The following AP3D1 variants were observed in gnomAD, a reference collection of about 807,000 sequenced individuals.
The protein encoded by AP3D1 is AP-3 complex subunit delta-1.
Under a neutral mutation model 147.6 loss-of-function variants are expected in AP3D1, and 51 were observed. That is an observed-to-expected ratio of 0.35 (90% CI 0.28 to 0.44). The LOEUF is 0.44. Ranked by LOEUF, AP3D1 falls within the 20% of genes least tolerant of loss-of-function variation. The pLI, the probability that AP3D1 is intolerant of heterozygous loss-of-function variation, is 1.00. For missense variants in AP3D1, 1,421 were observed against 1,624.2 expected (o/e 0.87, Z 2.15); for synonymous variants, 760 against 663.0 (o/e 1.15, Z -2.25).
intron 16 of AP3D1, 147 bp from the exon 17 acceptor site, chr19:2,116,893 T>G: frequency 1.8e-6 from 2 of 1,125,308 alleles, no homozygotes; most frequent in Non-Finnish European, 1.2e-6. Context: ...GCGAGGCAGG[T>G]GTCACTGCCC....
rs750640235 is a variant in AP3D1 at position 2,110,206 on chromosome 19, T to C, written c.3194A>G (p.Gln1065Arg). Reference sequence around the variant, plus strand: ...GATGCTCTGGATGGTGAACACATACTGGGCTTCGTTGGAGACGCCTGGCGG... The same window carrying C: ...GATGCTCTGGATGGTGAACACATACCGGGCTTCGTTGGAGACGCCTGGCGG... ...QLPPGVSNEA[Q>R]YVFTIQSIVM... Residue 1065 changes from glutamine to arginine, a missense_variant, in exon 28 of 32, where the codon CAG becomes CGG. Transcript: ENST00000643116. 2.4e-5 allele frequency: 39 copies of C among 1,612,124 alleles called. No individual in the cohort carries two copies. The highest frequency in any genetic ancestry group is 3.3e-5 in the Non-Finnish European group (39 of 1,179,946).
chr19:2,103,330 TGAGGCAGCCA>T (rs1351690758), intron 31 of AP3D1, among the ~76,000 whole-genome samples: 3 of 152,086 alleles, frequency 2.0e-5, no homozygotes, highest in African/African-American at 4.8e-5. Context: ...CTGAGGGCCC[TGAGGCAGCCA>T]GAGGCAGCCG....
chr19:2,148,046 C>CT (rs2019406860), intron 1 of AP3D1, among the ~76,000 whole-genome samples: 2 of 150,332 alleles, frequency 1.3e-5, no homozygotes, highest in Admixed American at 6.7e-5. Context: ...TGGCGGGAGG[C>CT]TGAGGCAGGA....
intron 21 of AP3D1, 78 bp from the exon 22 acceptor site, chr19:2,114,380 G>A: frequency 4.0e-6 from 5 of 1,265,534 alleles, no homozygotes; most frequent in Non-Finnish European, 5.6e-6. Context: ...CCGTGTCCAA[G>A]CATGTGGCAG....
In AP3D1 at chr19:2,101,139, G is replaced by A. The variant is rs1009357302; in HGVS notation, c.*1034C>T. The A allele has an allele frequency of 2.6e-5, 4 of 152,624 alleles. No individual in the cohort carries two copies. The highest frequency in any genetic ancestry group is 4.8e-5 in the African/African-American group (2 of 41,448). 9.5% of individuals were successfully genotyped at this position (152,624 alleles called of 1,614,324 possible). ...ATTTCAAATCCTGGAATCACTGCATGGGATTCTGTAATGGATTACATGCTA... is the reference window on the plus strand; with the variant it reads ...ATTTCAAATCCTGGAATCACTGCATAGGATTCTGTAATGGATTACATGCTA... On this transcript the variant is annotated 3_prime_UTR_variant, in exon 32 of 32. Transcript: ENST00000643116.
chr19:2,114,827 A>G lies in AP3D1; in HGVS notation c.2350-6T>C. 6.2e-7 allele frequency: 1 copy of G among 1,613,862 alleles called. No homozygotes were observed. ...TCGTCGCTGGGCAGAGCATTCTGACAGGAAGAGAGGAACCCCATCACTGGA... is the reference window on the plus strand; with the variant it reads ...TCGTCGCTGGGCAGAGCATTCTGACGGGAAGAGAGGAACCCCATCACTGGA... On this transcript the variant is annotated splice_region_variant and splice_polypyrimidine_tract_variant and intron_variant, in intron 20 of 31. Coordinates refer to ENST00000643116, the MANE Select transcript of AP3D1 (RefSeq NM_001261826.3).
Position 2,116,717 on chromosome 19 carries a change from G to A in AP3D1, c.1889C>T (p.Pro630Leu), listed in dbSNP as rs764011054. The A allele has an allele frequency of 6.2e-7, 1 of 1,612,022 alleles. No individual in the cohort carries two copies. The highest frequency in any genetic ancestry group is 8.5e-7 in the Non-Finnish European group (1 of 1,179,352). ...GTCCTCTGACTCGCTGTCCGAGAGT[G>A]GCTCATTGATCCAGGCGTCCAGGTC... ...GLDLDAWINE[P>L]LSDSESEDER... Residue 630 changes from proline to leucine, a missense_variant, in exon 17 of 32, where the codon CCA becomes CTA. This residue lies in a region of AP3D1 where 791 missense variants were observed against 761.4 expected (regional missense o/e 1.04). Transcript: ENST00000643116.
chr19:2,121,831 G>C lies in AP3D1; in HGVS notation c.1004C>G (p.Pro335Arg). The C allele has an allele frequency of 6.2e-7, 1 of 1,612,404 alleles. No individual in the cohort carries two copies. Among genetic ancestry groups the C allele is most frequent in the Non-Finnish European group, 8.5e-7 (1 of 1,179,414 alleles). ...LAMSKILKTH[P>R]KSVQSHKDLI... The stretch of plus-strand genomic sequence containing the variant: ...GTCCTTGTGGGACTGCACGGACTTG[G>C]GGTGGGTCTTCAGGATCTTGGACAT... Residue 335 changes from proline to arginine, a missense_variant, in exon 12 of 32, where the codon CCC becomes CGC. Pro to Arg is a moderately radical substitution (Grantham distance 103). Around this residue, in one of 6 missense-constraint regions of AP3D1, gnomAD observed 310 missense variants for 388.1 expected, o/e 0.80. Transcript: ENST00000643116.
chr19:2,127,239 G>A, intron 8 of AP3D1, 38 bp from the exon 9 acceptor site: 1 of 1,607,946 alleles, frequency 6.2e-7, no homozygotes. Flanking sequence ...ATGAGGACTG[G>A]GGGCCTCGTC....
chr19:2,153,132 G>A (rs1474019556), upstream of AP3D1, among the ~76,000 whole-genome samples: 1 of 151,266 alleles, frequency 6.6e-6, no homozygotes, highest in East Asian at 2.0e-4. Context: ...CCAGCACTTC[G>A]GGAGGCCTAA....
chr19:2,118,611 A>C lies in AP3D1; in HGVS notation c.1703T>G (p.Val568Gly). The C allele has an allele frequency of 2.5e-6, 4 of 1,609,186 alleles. No homozygotes were observed. The highest frequency in any genetic ancestry group is 3.4e-6 in the Non-Finnish European group (4 of 1,179,444). Residue 568 changes from valine (V) to glycine (G), a missense_variant, in exon 15 of 32, where the codon GTG (valine) becomes GGG (glycine). Around this residue, in one of 6 missense-constraint regions of AP3D1, gnomAD observed 310 missense variants for 388.1 expected, o/e 0.80. Coordinates refer to ENST00000643116, the MANE Select transcript of AP3D1 (RefSeq NM_001261826.3). ...PQFVQSADLE[V>G]QERASCILQL... is the part of the protein sequence containing the mutation. ...AGTGTTGGATCTTACCCGCTCCTGC[A>C]CCTCCAGGTCTGCGCTCTGCACAAA...
chr19:2,136,004 C>G (rs899467321), intron 4 of AP3D1, among the ~76,000 whole-genome samples: 5 of 151,662 alleles, frequency 3.3e-5, no homozygotes, highest in African/African-American at 1.2e-4. Context: ...CCAGGCCCCT[C>G]CCGCTACACG....
chr19:2,102,070 A>G lies in AP3D1; in HGVS notation c.*103T>C. The G allele has an allele frequency of 4.8e-6, 4 of 831,120 alleles. No homozygotes were observed. The highest frequency in any genetic ancestry group is 1.7e-5 in the African/African-American group (1 of 57,854). 51.5% of individuals were successfully genotyped at this position (831,120 alleles called of 1,614,324 possible). A position where few individuals can be genotyped will look rare whatever the true frequency, so the allele number is the denominator to read the frequency against. ...ACAACATAGAGTTAAATTAACACTC[A>G]GGCTTGGGTACAGTACACACGACTG... On this transcript the variant is annotated 3_prime_UTR_variant, in exon 32 of 32. Transcript: ENST00000643116.
At chr19:2,135,120 G>A (rs979597909) in intron 4 of AP3D1, among the ~76,000 whole-genome samples, 3 of 152,130 alleles carry the variant, frequency 2.0e-5, no homozygotes, top group Admixed American at 6.5e-5. Context: ...AGAATTGCTT[G>A]AACCTGGGAG....
chr19:2,102,188 C>T lies in AP3D1; in HGVS notation c.3633G>A (p.Thr1211=), dbSNP rs772581731. 40 of 1,613,690 alleles carry T rather than the reference C, an allele frequency of 2.5e-5. 1 individual carries two copies. The highest frequency in any genetic ancestry group is 3.3e-5 in the Admixed American group (2 of 59,996). The part of the protein sequence containing the change: ...LSNLLEEMKA[T]LAKC ...CAGGCAGCTCTCAACACTTGGCCAGCGTCGCCTTCATCTCTTCTAACAAGT... is the reference window on the plus strand; with the variant it reads ...CAGGCAGCTCTCAACACTTGGCCAGTGTCGCCTTCATCTCTTCTAACAAGT... The change falls in exon 32 of 32, where the codon ACG becomes ACA. Residue 1211 remains threonine (T), a synonymous_variant. Coordinates refer to ENST00000643116, the MANE Select transcript of AP3D1 (RefSeq NM_001261826.3).
rs1758321395 is a variant in AP3D1 at position 2,111,771 on chromosome 19, C to T, written c.2845G>A (p.Gly949Ser). The T allele has an allele frequency of 5.0e-6, 8 of 1,613,114 alleles. No individual in the cohort carries two copies. The highest frequency in any genetic ancestry group is 4.0e-5 in the African/African-American group (3 of 75,052). Residue 949 changes from glycine to serine, a missense_variant, in exon 25 of 32, where the codon GGC becomes AGC. Gly to Ser is a moderately conservative substitution (Grantham distance 56, BLOSUM62 0). This residue lies in a region of AP3D1 where 791 missense variants were observed against 761.4 expected (regional missense o/e 1.04). Coordinates refer to ENST00000643116, the MANE Select transcript of AP3D1 (RefSeq NM_001261826.3). ...GGCTGCTTCTTGGACTTCTTCTTGC[C>T]TTTGGTCCGCTCCTCCTTCTCCTTC... ...HRKEKEERTKGKKKSKKQPPG... is the reference protein window; with the variant it reads ...HRKEKEERTKSKKKSKKQPPG...
intron 1 of AP3D1, among the ~76,000 whole-genome samples, chr19:2,146,206 C>T (rs1318188831): frequency 6.6e-6 from 1 of 152,214 alleles, no homozygotes; most frequent in Non-Finnish European, 1.5e-5. Context: ...GCACACACAC[C>T]TTAGGCAATC....
In AP3D1 at chr19:2,130,681, G is replaced by A. The variant is rs951202678; in HGVS notation, c.463-144C>T. 7 of 1,316,922 alleles carry A rather than the reference G, an allele frequency of 5.3e-6. No individual in the cohort carries two copies. The Admixed American group carries it at 5.9e-5, about 11-fold the overall frequency. 81.6% of individuals were successfully genotyped at this position (1,316,922 alleles called of 1,614,324 possible). On this transcript the variant is annotated intron_variant, in intron 5 of 31. Coordinates refer to ENST00000643116, the MANE Select transcript of AP3D1 (RefSeq NM_001261826.3). ...CACCAGTCCCAGGGGCCACAGACCAGCATCTTGGATGGCATGGAAGCCAGC... is the reference window on the plus strand; with the variant it reads ...CACCAGTCCCAGGGGCCACAGACCAACATCTTGGATGGCATGGAAGCCAGC...
chr19:2,115,100 G>T, intron 20 of AP3D1, 119 bp downstream of exon 20: 2 of 1,079,734 alleles, frequency 1.9e-6, no homozygotes, highest in South Asian at 1.5e-5. Context: ...GCTCTCCGGG[G>T]TGGGGCCTCA....
Sources: allele counts gnomAD v4.1 joint callset (sites outside exome capture counted in the v4.1 genomes callset), GRCh38; gene constraint gnomAD v4.1.1; regional missense constraint gnomAD v4.1.1; transcripts MANE v1.5; gene names NCBI Gene and HGNC (gene_info 2026-07-23, HGNC 2026-07-21).